STXBP6: variants seen among roughly 807,000 people sequenced by gnomAD.
STXBP6 encodes the protein syntaxin-binding protein 6.
In STXBP6, 21 loss-of-function variants were observed where a neutral mutation model predicts 26.9. The ratio of observed to expected loss-of-function variants is 0.78; its 90% CI spans 0.55 to 1.12. STXBP6 has a LOEUF of 1.12. STXBP6 is among the 50% of genes most tolerant of loss of function. The pLI is 0.00. For synonymous variants in STXBP6, 97 were observed against 92.6 expected (o/e 1.05, Z -0.27); for missense variants, 232 against 257.9 (o/e 0.90, Z 0.69).
chr14:24,915,438 C>A (rs1361396630), intron 2 of STXBP6, among the ~76,000 whole-genome samples: 1 of 152,040 alleles, frequency 6.6e-6, no homozygotes, highest in Non-Finnish European at 1.5e-5. Flanking sequence ...ATTATGATTA[C>A]CATTGTAGTT....
At chr14:24,822,038 T>C (rs745847561) in intron 4 of STXBP6, among the ~76,000 whole-genome samples, 6 of 152,150 alleles carry the variant, frequency 3.9e-5, no homozygotes, top group Non-Finnish European at 8.8e-5. Flanking sequence ...AACCAAATCC[T>C]TATCTTTCAC....
In STXBP6 at chr14:25,049,528, C is replaced by G; in HGVS notation, c.-33+350G>C. 1 of 985,440 alleles carries G rather than the reference C, an allele frequency of 1.0e-6. No individual in the cohort carries two copies. The highest frequency in any genetic ancestry group is 1.2e-6 in the Non-Finnish European group (1 of 830,010). The allele number at this position is 985,440 out of a possible 1,614,324, so 61.0% of individuals were successfully genotyped here. A position where few individuals can be genotyped will look rare whatever the true frequency, so the allele number is the denominator to read the frequency against. On this transcript the variant is annotated intron_variant, in intron 1 of 5. Coordinates refer to ENST00000323944, the MANE Select transcript of STXBP6 (RefSeq NM_001394410.1). This position sits in a 1 kb window ranked among gnomAD's most constrained non-coding sequence, Gnocchi z 5.6. ...GCAGCATTCTCGGGGCCCATGCCAT[C>G]GCGGGGACGGTGCGGAAAAAAAGGC...
intron 2 of STXBP6, among the ~76,000 whole-genome samples, chr14:24,891,606 T>C (rs907034428): frequency 4.6e-5 from 7 of 152,208 alleles, no homozygotes; most frequent in African/African-American, 1.7e-4. Flanking sequence ...TTTCACTAAA[T>C]AGAGGAAAAC....
chr14:24,908,126 C>T (rs1051789461), intron 2 of STXBP6, among the ~76,000 whole-genome samples: 3 of 152,184 alleles, frequency 2.0e-5, no homozygotes, highest in Non-Finnish European at 2.9e-5. Context: ...TGCTAATCCA[C>T]ACCTCCTTAA....
chr14:24,857,660 C>A (rs928173672), intron 2 of STXBP6, among the ~76,000 whole-genome samples: 9 of 151,662 alleles, frequency 5.9e-5, no homozygotes, highest in African/African-American at 2.2e-4. Context: ...GAGGAGTAAT[C>A]CCTAACTCAA....
intron 2 of STXBP6, among the ~76,000 whole-genome samples, chr14:24,865,160 C>A (rs1666267881): frequency 6.6e-6 from 1 of 152,052 alleles, no homozygotes; most frequent in Non-Finnish European, 1.5e-5. Context: ...GTGGCTACAT[C>A]CAATCCAGAT....
At chr14:25,036,166 G>A (rs1330262658) in intron 1 of STXBP6, among the ~76,000 whole-genome samples, 5 of 144,754 alleles carry the variant, frequency 3.5e-5, no homozygotes, top group Admixed American at 2.2e-4. Flanking sequence ...ACAGTGAGCC[G>A]AGATTGTGCC....
chr14:24,874,520 G>A (rs576045593), intron 2 of STXBP6, among the ~76,000 whole-genome samples: 1 of 152,078 alleles, frequency 6.6e-6, no homozygotes, highest in Non-Finnish European at 1.5e-5. Flanking sequence ...AGGCTCTGGA[G>A]AAACACAGCC....
chr14:24,942,483 G>A (rs1337921872), intron 2 of STXBP6, among the ~76,000 whole-genome samples: 1 of 152,180 alleles, frequency 6.6e-6, no homozygotes, highest in Non-Finnish European at 1.5e-5. Flanking sequence ...AGCACCTTAT[G>A]GAACTTCAGG....
At chr14:24,899,802 A>AAAAC (rs2071142397) in intron 2 of STXBP6, among the ~76,000 whole-genome samples, 3 of 83,458 alleles carry the variant, frequency 3.6e-5, no homozygotes, top group African/African-American at 1.2e-4. Context: ...AAAAAAAAGC[A>AAAAC]AAAAAAAAAA....
At chr14:24,866,344 TTA>T (rs143803105) in intron 2 of STXBP6, among the ~76,000 whole-genome samples, 2 of 152,080 alleles carry the variant, frequency 1.3e-5, no homozygotes, top group African/African-American at 4.8e-5. Context: ...TAAATCTCTT[TTA>T]TATATATGTG....
chr14:24,919,595 T>C (rs895631382), intron 2 of STXBP6, among the ~76,000 whole-genome samples: 1 of 151,900 alleles, frequency 6.6e-6, no homozygotes, highest in Non-Finnish European at 1.5e-5. Context: ...CTGCTCCTAC[T>C]TGGTATCTAA....
At chr14:24,959,619 T>C (rs1223719830) in intron 2 of STXBP6, among the ~76,000 whole-genome samples, 1 of 152,194 alleles carries the variant, frequency 6.6e-6, no homozygotes, top group East Asian at 1.9e-4. Flanking sequence ...TGAATTCTAG[T>C]TCAAAAAAAT....
chr14:24,969,930 T>G lies in STXBP6; in HGVS notation c.154+4735A>C, dbSNP rs575984719. 6.6e-5 allele frequency among the ~76,000 whole-genome samples: 10 copies of G among 152,284 alleles called. No individual in the cohort carries two copies. The South Asian group carries it at 2.1e-3, about 32-fold the overall frequency. Reference sequence around the variant, plus strand: ...GGTTAATCTTTCCCACTAGCGACTCTGTAAAAGTGTTTCTAAAGTAATCAA... The same window carrying G: ...GGTTAATCTTTCCCACTAGCGACTCGGTAAAAGTGTTTCTAAAGTAATCAA... On this transcript the variant is annotated intron_variant, in intron 2 of 5. Coordinates refer to ENST00000323944, the MANE Select transcript of STXBP6 (RefSeq NM_001394410.1).
At chr14:25,046,608 C>T (rs965339846) in intron 1 of STXBP6, among the ~76,000 whole-genome samples, 18 of 152,150 alleles carry the variant, frequency 1.2e-4, no homozygotes, top group African/African-American at 3.9e-4. Flanking sequence ...TTGATTTGGG[C>T]ACTACATTAT....
rs1401235865 is a variant in STXBP6, at chr14:24,811,412, T to C, written c.*1297A>G. ...TGGTAGGCTTACAATGTGTCTGAGA[T>C]GTGCAGCTTGTCTCCTAGTTTCACA... On this transcript the variant is annotated 3_prime_UTR_variant, in exon 6 of 6. Transcript: ENST00000323944. 6.6e-6 allele frequency: 1 copy of C among 152,172 alleles called. No homozygotes were observed. Among genetic ancestry groups the C allele is most frequent in the African/African-American group, 2.4e-5 (1 of 41,434 alleles). 9.4% of individuals were successfully genotyped at this position (152,172 alleles called of 1,614,324 possible).
intron 1 of STXBP6, chr14:24,987,809 CAT>C: frequency 2.0e-6 from 2 of 984,130 alleles, no homozygotes; most frequent in Non-Finnish European, 2.4e-6. Context: ...GTGGTGTGAA[CAT>C]ATTCTTAAAA....
At chr14:24,874,134 C>G (rs80025185) in intron 2 of STXBP6, among the ~76,000 whole-genome samples, 8,158 of 152,174 alleles carry the variant, frequency 0.054, 315 homozygotes, top group East Asian at 0.19. Context: ...AAAAAAACCA[C>G]TTGCTTTTTC....
intron 1 of STXBP6, among the ~76,000 whole-genome samples, chr14:25,017,566 T>C (rs1355155134): frequency 6.6e-6 from 1 of 152,182 alleles, no homozygotes; most frequent in East Asian, 1.9e-4. Flanking sequence ...AAGGTAAGGA[T>C]GCAATGTATT....
Sources: gnomAD v4.1 joint callset for allele counts (sites outside exome capture counted in the v4.1 genomes callset) on GRCh38, gnomAD v4.1.1 for gene constraint, Gnocchi (gnomAD v3.1) non-coding constraint, MANE v1.5 for transcripts, NCBI Gene and HGNC (gene_info 2026-07-23, HGNC 2026-07-21) for gene names.